ARMC2: variants seen among roughly 807,000 people sequenced by gnomAD.
The protein encoded by ARMC2 is armadillo repeat-containing protein 2.
In ARMC2, 67 loss-of-function variants were observed where a neutral mutation model predicts 90.3. The observed-to-expected ratio is 0.74, with a 90% CI of 0.61 to 0.91. The LOEUF (loss-of-function observed/expected upper bound fraction) is 0.91, where lower values mean the gene tolerates loss of function less well. ARMC2 is among the 40% of genes least tolerant of loss of function. The pLI is 0.00. For missense variants in ARMC2, 920 were observed against 1,030.9 expected, an observed-to-expected ratio of 0.89 and a Z score of 1.47; for synonymous variants, 393 against 393.0, an observed-to-expected ratio of 1.00 and a Z score of 0.00.
At position 108,910,953 on chromosome 6, in the gene ARMC2, A is replaced by G. The variant is rs1348956193; in HGVS notation, c.1078A>G (p.Ser360Gly). The G allele has an allele frequency of 2.5e-6, 4 of 1,585,338 alleles. No individual in the cohort carries two copies. ...TGTCTGCAAACTTATATTTAAAATT[A>G]GCAGGAATGAGAAGAATGATTCTTT... is the stretch of plus-strand genomic sequence containing the variant. ...LNVCKLIFKI[S>G]RNEKNDSLIQ... Residue 360 changes from serine (S) to glycine (G), a missense_variant, in exon 9 of 18, where the codon AGC (serine) becomes GGC (glycine). Ser to Gly is a moderately conservative substitution (Grantham distance 56, BLOSUM62 0). Transcript: ENST00000392644.
At chr6:109,039,090 GAGA>G in the ARMC2 span, among the ~76,000 whole-genome samples, 2 of 146,804 alleles carry the variant, frequency 1.4e-5, no homozygotes, top group African/African-American at 2.5e-5. Context: ...GGAGGAAAAG[GAGA>G]AGGAGGGAGG....
chr6:108,899,710 G>A lies in ARMC2; in HGVS notation c.765G>A (p.Leu255=). 1 of 1,613,488 alleles carries A rather than the reference G, an allele frequency of 6.2e-7. No individual in the cohort carries two copies. The highest frequency in any genetic ancestry group is 2.2e-5 in the East Asian group (1 of 44,844). ...LQTKAVPKAD[L]QEEDAEIEVD... is the part of the protein sequence containing the mutation. ...CTTTTGCAGTCCCAAAAGCTGACCTGCAAGAAGAGGACGCAGAAATAGAAG... is the reference window on the plus strand; with the variant it reads ...CTTTTGCAGTCCCAAAAGCTGACCTACAAGAAGAGGACGCAGAAATAGAAG... The change falls in exon 7 of 18, where the codon CTG becomes CTA. Residue 255 remains leucine, a synonymous_variant. Transcript: ENST00000392644.
intron 2 of ARMC2, 150 bp downstream of exon 2, chr6:108,854,635 AT>A: frequency 1.4e-6 from 1 of 728,900 alleles, no homozygotes; most frequent in Non-Finnish European, 2.2e-6. Context: ...AGGTACAGAG[AT>A]TTCCCATGTA....
At chr6:108,992,554 A>T in the ARMC2 span, among the ~76,000 whole-genome samples, 1 of 152,244 alleles carries the variant, frequency 6.6e-6, no homozygotes, top group African/African-American at 2.4e-5. Context: ...TGAATTAAAT[A>T]CTTACATATT....
chr6:108,982,696 A>G, the ARMC2 span, among the ~76,000 whole-genome samples: 1 of 151,994 alleles, frequency 6.6e-6, no homozygotes, highest in African/African-American at 2.4e-5. Context: ...TGTCTTTGTA[A>G]TATTGATTTA....
chr6:108,882,268 C>G (rs1184047583), intron 5 of ARMC2, among the ~76,000 whole-genome samples: 3 of 151,784 alleles, frequency 2.0e-5, no homozygotes, highest in African/African-American at 7.3e-5. Flanking sequence ...AACCCTGTCT[C>G]TACTAAAAAT....
chr6:108,996,578 A>AG, the ARMC2 span, among the ~76,000 whole-genome samples: 1 of 152,164 alleles, frequency 6.6e-6, no homozygotes, highest in African/African-American at 2.4e-5. Context: ...TTGAAATAAG[A>AG]GGGAAAGGAA....
At chr6:108,912,254 T>G in intron 9 of ARMC2, 81 bp from the exon 10 acceptor site, 1 of 993,212 alleles carries the variant, frequency 1.0e-6, no homozygotes, top group Non-Finnish European at 1.5e-6. Flanking sequence ...AAGTGTATTT[T>G]ATGTTCACAC....
downstream of ARMC2, among the ~76,000 whole-genome samples, chr6:108,978,688 T>G (rs1779031435): frequency 6.6e-6 from 1 of 152,176 alleles, no homozygotes; most frequent in African/African-American, 2.4e-5. Flanking sequence ...CCTGTATTGA[T>G]GCGTACATAT....
chr6:108,848,957 C>G (rs899465431), intron 1 of ARMC2: 22 of 152,160 alleles, frequency 1.4e-4, no homozygotes, highest in African/African-American at 5.1e-4. Flanking sequence ...TATTTATGTA[C>G]TGTCGCACTT....
chr6:108,998,749 A>G, the ARMC2 span: 5 of 1,610,178 alleles, frequency 3.1e-6, no homozygotes, highest in East Asian at 2.2e-5. Context: ...TCAGCTTTTA[A>G]AAGTCCCTTA....
chr6:108,984,265 TC>T, the ARMC2 span, among the ~76,000 whole-genome samples: 1 of 152,226 alleles, frequency 6.6e-6, no homozygotes, highest in African/African-American at 2.4e-5. Context: ...AAGTCTTTTG[TC>T]TTAGTCTGTT....
the ARMC2 span, among the ~76,000 whole-genome samples, chr6:109,010,675 G>A: frequency 6.6e-6 from 1 of 152,128 alleles, no homozygotes; most frequent in Non-Finnish European, 1.5e-5. Context: ...AATGATATAT[G>A]TTCTCTATAC....
At chr6:109,025,821 A>T in the ARMC2 span, among the ~76,000 whole-genome samples, 13 of 152,224 alleles carry the variant, frequency 8.5e-5, no homozygotes, top group Middle Eastern at 3.4e-3. Flanking sequence ...AATAAAAGAC[A>T]TGTTAAGATG....
Position 108,973,471 on chromosome 6 carries a change from G to A in ARMC2, c.2561G>A (p.Arg854Lys). ...VAQQLLNRIQRHHTFLEPLPI... is the reference protein window; with the variant it reads ...VAQQLLNRIQKHHTFLEPLPI... ...CAGCAGCTTCTAAACCGAATTCAGA[G>A]ACATCACACCTTCCTGGAACCCCTG... is the stretch of plus-strand genomic sequence containing the variant. The change falls in exon 18 of 18, where the codon AGA becomes AAA. Residue 854 changes from arginine (R) to lysine (K), a missense_variant. Transcript: ENST00000392644. The A allele has an allele frequency of 6.2e-7, 1 of 1,613,756 alleles. No individual in the cohort carries two copies. Among genetic ancestry groups the A allele is most frequent in the Non-Finnish European group, 8.5e-7 (1 of 1,179,752 alleles).
intron 3 of ARMC2, among the ~76,000 whole-genome samples, chr6:108,866,826 T>C (rs1775870347): frequency 6.6e-6 from 1 of 152,168 alleles, no homozygotes; most frequent in Non-Finnish European, 1.5e-5. Context: ...TTTGGTCTGG[T>C]TTATAAATCG....
intron 5 of ARMC2, among the ~76,000 whole-genome samples, chr6:108,884,845 A>G (rs556886338): frequency 2.0e-5 from 3 of 152,316 alleles, no homozygotes; most frequent in African/African-American, 7.2e-5. Flanking sequence ...AAGCTGTTGT[A>G]GCAGTTCTGG....
intron 12 of ARMC2, 99 bp from the exon 13 acceptor site, chr6:108,952,934 A>T: frequency 8.7e-7 from 1 of 1,152,522 alleles, no homozygotes; most frequent in Non-Finnish European, 1.2e-6. Context: ...GTTCCATTTT[A>T]CTATTAATGC....
At chr6:108,933,059 C>A (rs372981158) in intron 11 of ARMC2, among the ~76,000 whole-genome samples, 1 of 149,834 alleles carries the variant, frequency 6.7e-6, no homozygotes, top group East Asian at 2.0e-4. Flanking sequence ...TTTTCAGTTC[C>A]GTGTTAAATT....
Sources: allele counts gnomAD v4.1 joint callset (sites outside exome capture counted in the v4.1 genomes callset), GRCh38; gene constraint gnomAD v4.1.1; transcripts MANE v1.5; gene names NCBI Gene and HGNC (gene_info 2026-07-23, HGNC 2026-07-21).